Variants in MFSD1 observed in about 807,000 individuals in gnomAD.
MFSD1 encodes the protein major facilitator superfamily domain containing 1.
MFSD1 carries 59 observed loss-of-function variants against 67.1 expected under a neutral mutation model. The observed-to-expected ratio is 0.88, with a 90% confidence interval of 0.71 to 1.09. MFSD1 has a LOEUF of 1.09. Among genes scored for constraint, MFSD1 ranks in the 50% least tolerant of loss-of-function variants. MFSD1 has a pLI of 0.00. For synonymous variants in MFSD1, 213 were observed against 200.3 expected (o/e 1.06, Z -0.54); for missense variants, 552 against 566.1 (o/e 0.97, Z 0.25).
At chr3:158,821,721 A>G in intron 10 of MFSD1, 68 bp downstream of exon 10, 1 of 1,325,618 alleles carries the variant, frequency 7.5e-7, no homozygotes, top group Non-Finnish European at 1.1e-6. Context: ...TCAAATGTTA[A>G]AAGAAGCAAA....
At chr3:158,826,959 T>C (rs997957472) in intron 14 of MFSD1, among the ~76,000 whole-genome samples, 1 of 152,164 alleles carries the variant, frequency 6.6e-6, no homozygotes, top group African/African-American at 2.4e-5. Context: ...CACCTGTTCA[T>C]TTCCTTTAAT....
At chr3:158,826,652 T>A (rs1368900731) in intron 14 of MFSD1, among the ~76,000 whole-genome samples, 3 of 151,378 alleles carry the variant, frequency 2.0e-5, no homozygotes, top group African/African-American at 7.3e-5. Context: ...TTTTTTTTTA[T>A]TTTAATAGTT....
intron 8 of MFSD1, 39 bp downstream of exon 8, chr3:158,819,786 G>A (rs371205471): frequency 3.0e-5 from 36 of 1,212,940 alleles, no homozygotes; most frequent in South Asian, 1.5e-4. Flanking sequence ...GGGGAATTAC[G>A]GCCTTTGTGA....
Position 158,804,441 on chromosome 3 carries a change from A to G in MFSD1, c.216+70A>G. ...AAGTGTAGCGGTGGAGGCATTATCA[A>G]CCCTCAGGTGCCCTAGTCTCACGTG... On this transcript the variant is annotated intron_variant, in intron 2 of 15. Transcript: ENST00000415822. 7 of 1,253,748 alleles carry G rather than the reference A, an allele frequency of 5.6e-6. No individual in the cohort carries two copies. The South Asian group carries it at 8.8e-5, about 16-fold the overall frequency. 77.7% of individuals were successfully genotyped at this position (1,253,748 alleles called of 1,614,324 possible).
Position 158,802,223 on chromosome 3 carries a change from C to A in MFSD1, c.71C>A (p.Pro24Gln). The change falls in exon 1 of 16, where the codon CCG (proline) becomes CAG (glutamine). Residue 24 changes from proline (P) to glutamine (Q), a missense_variant. Pro to Gln is a moderately conservative substitution (Grantham distance 76). Transcript: ENST00000415822. The stretch of plus-strand genomic sequence containing the variant: ...CCTGACGAGGCCGACAGAGGTGCCC[C>A]GGCCGCCCCTGGAGCCCTGCCGGCC... ...GGPDEADRGA[P>Q]AAPGALPALC... The A allele has an allele frequency of 2.5e-6, 4 of 1,610,688 alleles. No individual in the cohort carries two copies. Among genetic ancestry groups the A allele is most frequent in the Non-Finnish European group, 2.5e-6 (3 of 1,178,916 alleles).
intron 12 of MFSD1, 94 bp downstream of exon 12, chr3:158,823,619 A>G (rs1240391134): frequency 6.3e-6 from 6 of 948,746 alleles, no homozygotes; most frequent in Non-Finnish European, 8.6e-6. Flanking sequence ...GTCGTCATCC[A>G]GCCTCTGGGG....
At chr3:158,823,294 T>C (rs1351016557) in intron 11 of MFSD1, 134 bp from the exon 12 acceptor site, 1 of 669,852 alleles carries the variant, frequency 1.5e-6, no homozygotes, top group Non-Finnish European at 2.7e-6. Context: ...AATACGAATT[T>C]TAGCCTAATA....
At chr3:158,810,921 T>C (rs1729974764) in intron 6 of MFSD1, among the ~76,000 whole-genome samples, 1 of 152,192 alleles carries the variant, frequency 6.6e-6, no homozygotes, top group Non-Finnish European at 1.5e-5. Context: ...AGTCCAGATA[T>C]GTCTGTGGCA....
chr3:158,826,050 A>T lies in MFSD1; in HGVS notation c.1324A>T (p.Asn442Tyr). The T allele has an allele frequency of 6.2e-7, 1 of 1,613,462 alleles. No homozygotes were observed. Among genetic ancestry groups the T allele is most frequent in the Non-Finnish European group, 8.5e-7 (1 of 1,179,562 alleles). ...ATCTGTGGTCTTACTCTATTTGGTG[A>T]ATCGTGCCCAGGGTAAGTAGAAGAT... ...LLSVVLLYLV[N>Y]RAQGGNLNYS... Residue 442 changes from asparagine (N) to tyrosine (Y), a missense_variant, in exon 14 of 16, where the codon AAT (asparagine) becomes TAT (tyrosine). Transcript: ENST00000415822.
chr3:158,825,907 A>G, intron 13 of MFSD1, 108 bp from the exon 14 acceptor site: 2 of 795,412 alleles, frequency 2.5e-6, no homozygotes, highest in Non-Finnish European at 4.2e-6. Flanking sequence ...TAAAATAGCA[A>G]TTAATAAAGG....
intron 8 of MFSD1, 135 bp downstream of exon 8, chr3:158,819,882 A>G (rs1730585582): frequency 3.8e-6 from 2 of 527,016 alleles, no homozygotes; most frequent in African/African-American, 3.9e-5. Context: ...TTATTTCCAA[A>G]TTGATTTCCA....
intron 6 of MFSD1, among the ~76,000 whole-genome samples, chr3:158,812,153 A>T (rs1395195755): frequency 5.9e-5 from 9 of 152,208 alleles, no homozygotes; most frequent in African/African-American, 1.9e-4. Flanking sequence ...TATATGGTAT[A>T]TGCTAATAGT....
At chr3:158,804,826 A>G (rs1223840760) in intron 2 of MFSD1, among the ~76,000 whole-genome samples, 3 of 152,188 alleles carry the variant, frequency 2.0e-5, no homozygotes, top group South Asian at 4.1e-4. Context: ...TTGTAAGAAC[A>G]TACTTGATAT....
At chr3:158,819,626 C>T (rs73874715) in intron 7 of MFSD1, 23 bp from the exon 8 acceptor site, 60 of 1,121,862 alleles carry the variant, frequency 5.3e-5, no homozygotes, top group East Asian at 1.4e-4. Context: ...GTCTGTTTTT[C>T]TTTTTTTTTT....
chr3:158,805,280 A>T (rs1729666816), intron 2 of MFSD1, 82 bp from the exon 3 acceptor site: 2 of 1,114,596 alleles, frequency 1.8e-6, no homozygotes, highest in Non-Finnish European at 2.8e-6. Context: ...ACTACTTTCC[A>T]CTTTAGATTG....
intron 7 of MFSD1, among the ~76,000 whole-genome samples, chr3:158,817,853 C>T (rs546281640): frequency 9.5e-4 from 144 of 152,286 alleles, no homozygotes; most frequent in African/African-American, 3.2e-3. Flanking sequence ...CTTGTAGTGT[C>T]TTTTAAGGAA....
intron 11 of MFSD1, 106 bp from the exon 12 acceptor site, chr3:158,823,322 A>AAG: frequency 1.3e-6 from 1 of 796,120 alleles, no homozygotes; most frequent in South Asian, 1.4e-5. Flanking sequence ...AATTTGCTTG[A>AAG]ATATATATAT....
intron 6 of MFSD1, among the ~76,000 whole-genome samples, chr3:158,812,427 C>T (rs552204191): frequency 1.1e-4 from 17 of 152,136 alleles, no homozygotes; most frequent in South Asian, 2.1e-4. Flanking sequence ...TGGCTGCCTG[C>T]GATCTGGCTC....
At chr3:158,811,857 G>A (rs549553220) in intron 6 of MFSD1, among the ~76,000 whole-genome samples, 1 of 152,300 alleles carries the variant, frequency 6.6e-6, no homozygotes, top group Non-Finnish European at 1.5e-5. Flanking sequence ...CCTACTGGAA[G>A]CTTTCTCTAA....
Sources: gnomAD v4.1 joint callset for allele counts (sites outside exome capture counted in the v4.1 genomes callset) on GRCh38, gnomAD v4.1.1 for gene constraint, MANE v1.5 for transcripts, NCBI Gene and HGNC (gene_info 2026-07-23, HGNC 2026-07-21) for gene names.